The following SULT2A1 variants were observed in gnomAD, a reference collection of about 807,000 sequenced individuals.
SULT2A1 encodes sulfotransferase 2A1.
SULT2A1 carries 43 observed loss-of-function variants against 33.9 expected under a neutral mutation model. The observed-to-expected ratio is 1.27, with a 90% CI of 1.00 to 1.64. The LOEUF is 1.64. Among genes scored for constraint, SULT2A1 ranks in the 40% most tolerant of loss-of-function variants. The probability of loss-of-function intolerance (pLI) is 0.00; values close to 1 mark genes in which losing one functional copy is unlikely to be tolerated. For synonymous variants in SULT2A1, 125 were observed against 113.6 expected, an observed-to-expected ratio of 1.10 and a Z score of -0.64; for missense variants, 300 against 335.1, an observed-to-expected ratio of 0.90 and a Z score of 0.82.
intron 4 of SULT2A1, among the ~76,000 whole-genome samples, chr19:47,877,715 A>G (rs1028285027): frequency 1.3e-5 from 2 of 151,802 alleles, no homozygotes; most frequent in Middle Eastern, 3.2e-3. Context: ...ATGCCCGGCT[A>G]ATTTTTTGTA....
chr19:47,871,563 T>C lies in SULT2A1; in HGVS notation c.750A>G (p.Val250=), dbSNP rs954734465. 6.2e-7 allele frequency: 1 copy of C among 1,611,392 alleles called. No homozygotes were observed. Among genetic ancestry groups the C allele is most frequent in the Non-Finnish European group, 8.5e-7 (1 of 1,177,602 alleles). Reference sequence around the variant, plus strand: ...TGAAGTGATTTTTCCAGTCCCCAGATACACCTGGAAACAAGAAGCAGAAAC... The same window carrying C: ...TGAAGTGATTTTTCCAGTCCCCAGACACACCTGGAAACAAGAAGCAGAAAC... ...VDKAQLLRKG[V]SGDWKNHFTV... The change falls in exon 6 of 6, where the codon GTA becomes GTG. Residue 250 remains valine (V), a synonymous_variant. Transcript: ENST00000222002.
rs1346809798 is a variant in SULT2A1 at position 47,871,374 on chromosome 19, A to G, written c.*81T>C. On this transcript the variant is annotated 3_prime_UTR_variant, in exon 6 of 6. Transcript: ENST00000222002. The stretch of plus-strand genomic sequence containing the variant: ...TTCAGGATAAAATAATAAGTCTTAC[A>G]CAATGACCCCAGTCAGGTACATGTA... 1.4e-5 allele frequency: 14 copies of G among 1,024,052 alleles called. No individual in the cohort carries two copies. Among genetic ancestry groups the G allele is most frequent in the Non-Finnish European group, 2.0e-5 (13 of 652,192 alleles). The allele number at this position is 1,024,052 out of a possible 1,614,324, so 63.4% of individuals were successfully genotyped here.
At chr19:47,876,163 G>T (rs1236120906) in intron 4 of SULT2A1, among the ~76,000 whole-genome samples, 3 of 152,100 alleles carry the variant, frequency 2.0e-5, no homozygotes, top group African/African-American at 7.2e-5. Flanking sequence ...TTACAGGCGT[G>T]CGCCACCACT....
At chr19:47,878,453 G>A (rs1345947140) in intron 4 of SULT2A1, among the ~76,000 whole-genome samples, 1 of 150,506 alleles carries the variant, frequency 6.6e-6, no homozygotes, top group Admixed American at 6.6e-5. Flanking sequence ...CTTCCAAAGT[G>A]CTGGGATTAC....
chr19:47,884,804 C>CTT (rs71181611), intron 1 of SULT2A1, among the ~76,000 whole-genome samples: 9,962 of 63,928 alleles, frequency 0.16, 3,030 homozygotes, highest in African/African-American at 0.22. Context: ...CTCTCAACCA[C>CTT]TTTTTTTTTT....
In SULT2A1 at chr19:47,883,717, C is replaced by G; in HGVS notation, c.205G>C (p.Val69Leu). The part of the protein sequence containing the change: ...SKGDAKWIQS[V>L]PIWERSPWVE... ...CAGGGTGATCGCTCCCAGATGGGCA[C>G]AGATTGGATCCACTTGGCATCCCCC... Residue 69 changes from valine (V) to leucine (L), a missense_variant, in exon 2 of 6, where the codon GTG becomes CTG. Physicochemically the swap from Val to Leu is conservative, Grantham distance 32. Transcript: ENST00000222002. 6.2e-7 allele frequency: 1 copy of G among 1,614,102 alleles called. No individual in the cohort carries two copies. Among genetic ancestry groups the G allele is most frequent in the South Asian group, 1.1e-5 (1 of 91,082 alleles).
At chr19:47,878,412 T>C (rs972001532) in intron 4 of SULT2A1, among the ~76,000 whole-genome samples, 15 of 151,254 alleles carry the variant, frequency 9.9e-5, no homozygotes, top group Non-Finnish European at 2.1e-4. Flanking sequence ...GGTCTCAAAC[T>C]CCCAGCCTCA....
chr19:47,882,795 G>A (rs1439202446), intron 2 of SULT2A1, among the ~76,000 whole-genome samples: 1 of 152,016 alleles, frequency 6.6e-6, no homozygotes, highest in Non-Finnish European at 1.5e-5. Context: ...CACACCTCTA[G>A]TCCTAGCTAC....
chr19:47,884,162 A>ATTATTTAT (rs143122894), intron 1 of SULT2A1, among the ~76,000 whole-genome samples: 3,956 of 144,670 alleles, frequency 0.027, 182 homozygotes, highest in African/African-American at 0.094. Flanking sequence ...TAATTTTTTT[A>ATTATTTAT]TTATTTATTT....
In SULT2A1 at chr19:47,874,544, A is replaced by G; in HGVS notation, c.745+113T>C. The G allele has an allele frequency of 1.9e-5, 12 of 623,678 alleles. No homozygotes were observed. The East Asian group carries it at 2.2e-4, about 11-fold the overall frequency. 38.6% of individuals were successfully genotyped at this position (623,678 alleles called of 1,614,324 possible). A position where few individuals can be genotyped will look rare whatever the true frequency, so the allele number is the denominator to read the frequency against. The stretch of plus-strand genomic sequence containing the variant: ...GATAGAGCAAGACTTCATCTCGGAA[A>G]AAAAAAAAAAAAAAAAGCACTCTTT... On this transcript the variant is annotated intron_variant, in intron 5 of 5. Coordinates refer to ENST00000222002, the MANE Select transcript of SULT2A1 (RefSeq NM_003167.4).
intron 4 of SULT2A1, among the ~76,000 whole-genome samples, chr19:47,878,602 C>T (rs986060516): frequency 4.6e-5 from 7 of 150,568 alleles, no homozygotes; most frequent in African/African-American, 1.7e-4. Context: ...CTGCAAACTC[C>T]ACCTCCCAGG....
In SULT2A1 at chr19:47,874,656, C is replaced by T. The variant is rs1414762786; in HGVS notation, c.745+1G>A. On this transcript the variant is annotated splice_donor_variant, in intron 5 of 5. Transcript: ENST00000222002. LOFTEE classifies it high-confidence loss of function. The stretch of plus-strand genomic sequence containing the variant: ...TTGGAAACCAGAGGATTTTCTTTTA[C>T]CTTTTCTCAGAAGTTGTGCTTTGTC... The T allele has an allele frequency of 6.2e-7, 1 of 1,608,840 alleles. No individual in the cohort carries two copies. Among genetic ancestry groups the T allele is most frequent in the South Asian group, 1.1e-5 (1 of 90,514 alleles).
At chr19:47,880,803 G>T (rs1026105586) in intron 3 of SULT2A1, among the ~76,000 whole-genome samples, 2 of 152,022 alleles carry the variant, frequency 1.3e-5, no homozygotes, top group Non-Finnish European at 2.9e-5. Flanking sequence ...GGCCAGGCTG[G>T]TCTTGAACTC....
chr19:47,871,477 C>T lies in SULT2A1; in HGVS notation c.836G>A (p.Arg279Gln), dbSNP rs149563641. Residue 279 changes from arginine to glutamine, a missense_variant, in exon 6 of 6, where the codon CGA (arginine) becomes CAA (glutamine). Coordinates refer to ENST00000222002, the MANE Select transcript of SULT2A1 (RefSeq NM_003167.4). ...ACGTTATTCCCATGGGAACAGCTCTCGAGGAAGATCTGCCATCTTCTCTTG... is the reference window on the plus strand; with the variant it reads ...ACGTTATTCCCATGGGAACAGCTCTTGAGGAAGATCTGCCATCTTCTCTTG... The part of the protein sequence containing the change: ...LFQEKMADLP[R>Q]ELFPWE 1.4e-5 allele frequency: 22 copies of T among 1,613,796 alleles called. No individual in the cohort carries two copies. Among genetic ancestry groups the T allele is most frequent in the South Asian group, 7.7e-5 (7 of 91,078 alleles).
intron 5 of SULT2A1, among the ~76,000 whole-genome samples, chr19:47,872,814 A>C (rs1285421305): frequency 6.7e-6 from 1 of 149,082 alleles, no homozygotes; most frequent in Non-Finnish European, 1.5e-5. Flanking sequence ...GCAGGAGTAC[A>C]GTGTTGTAAT....
intron 5 of SULT2A1, among the ~76,000 whole-genome samples, chr19:47,874,393 G>T (rs1027497228): frequency 2.0e-5 from 3 of 152,132 alleles, no homozygotes; most frequent in African/African-American, 7.2e-5. Flanking sequence ...ACAAAAATTA[G>T]CTGGGTGTGG....
intron 4 of SULT2A1, among the ~76,000 whole-genome samples, chr19:47,878,678 G>C (rs965723109): frequency 1.3e-5 from 2 of 151,546 alleles, no homozygotes; most frequent in Admixed American, 6.6e-5. Flanking sequence ...CACTGCACCC[G>C]GCTAATTTTT....
intron 3 of SULT2A1, 109 bp downstream of exon 3, chr19:47,881,975 G>T: frequency 6.9e-7 from 1 of 1,459,734 alleles, no homozygotes; most frequent in Non-Finnish European, 9.4e-7. Flanking sequence ...TCCAGGGGTG[G>T]TGGAGCCTTT....
chr19:47,877,078 T>TAAA (rs10676904), intron 4 of SULT2A1, among the ~76,000 whole-genome samples: 205 of 123,264 alleles, frequency 1.7e-3, no homozygotes, highest in African/African-American at 3.7e-3. Flanking sequence ...CTCCACCTCA[T>TAAA]AAAAAAAAAA....
Sources: gnomAD v4.1 joint callset for allele counts (sites outside exome capture counted in the v4.1 genomes callset) on GRCh38, gnomAD v4.1.1 for gene constraint, MANE v1.5 for transcripts, NCBI Gene and HGNC (gene_info 2026-07-23, HGNC 2026-07-21) for gene names.